ARMC9: variants seen among roughly 807,000 people sequenced by gnomAD.
ARMC9 encodes the protein lisH domain-containing protein ARMC9.
ARMC9 carries 94 observed loss-of-function variants against 107.0 expected under a neutral mutation model. The observed-to-expected ratio is 0.88, with a 90% CI of 0.74 to 1.04. ARMC9 has a LOEUF of 1.04. ARMC9 is among the 50% of genes least tolerant of loss of function. The pLI, the probability that ARMC9 is intolerant of heterozygous loss-of-function variation, is 0.00. For synonymous variants in ARMC9, 380 were observed against 396.9 expected, an observed-to-expected ratio of 0.96 and a Z score of 0.51; for missense variants, 942 against 1,030.1, an observed-to-expected ratio of 0.91 and a Z score of 1.17.
At chr2:231,267,190 T>C (rs561527635) in intron 12 of ARMC9, among the ~76,000 whole-genome samples, 1 of 152,230 alleles carries the variant, frequency 6.6e-6, no homozygotes, top group Admixed American at 6.5e-5. Context: ...TCTGGCGGAA[T>C]TGAAAGGTGG....
intron 11 of ARMC9, 72 bp from the exon 12 acceptor site, chr2:231,262,234 C>A: frequency 7.1e-7 from 1 of 1,414,164 alleles, no homozygotes; most frequent in Non-Finnish European, 1.0e-6. Flanking sequence ...CCATCTAAAA[C>A]ACACCTGCTA....
intron 8 of ARMC9, among the ~76,000 whole-genome samples, chr2:231,237,801 T>A (rs1039280956): frequency 3.2e-5 from 4 of 126,254 alleles, no homozygotes; most frequent in African/African-American, 9.0e-5. Context: ...TTTTTTTTTT[T>A]TTTTTTTTTT....
chr2:231,216,854 G>A lies in ARMC9; in HGVS notation c.504+61G>A, dbSNP rs979668320. The A allele has an allele frequency of 9.1e-5, 139 of 1,522,366 alleles. 3 individuals are homozygous for A. In the South Asian group the frequency reaches 1.6e-3, roughly 17 times the overall value. 94.3% of individuals were successfully genotyped at this position (1,522,366 alleles called of 1,614,324 possible). A position where few individuals can be genotyped will look rare whatever the true frequency, so the allele number is the denominator to read the frequency against. Reference sequence around the variant, plus strand: ...GGGTGACATTGTGGTTTTACCTTCTGTATGCTGGGGGCTTCTGAATGATGC... The same window carrying A: ...GGGTGACATTGTGGTTTTACCTTCTATATGCTGGGGGCTTCTGAATGATGC... On this transcript the variant is annotated intron_variant, in intron 5 of 24. Transcript: ENST00000611582.
At chr2:231,366,931 AC>A (rs1458999899) in intron 23 of ARMC9, among the ~76,000 whole-genome samples, 8 of 147,052 alleles carry the variant, frequency 5.4e-5, no homozygotes, top group African/African-American at 1.0e-4. Context: ...GCTCACTGCA[AC>A]CTCTGCCTCC....
intron 19 of ARMC9, among the ~76,000 whole-genome samples, chr2:231,299,585 T>G (rs1374919383): frequency 6.6e-6 from 1 of 152,076 alleles, no homozygotes; most frequent in Non-Finnish European, 1.5e-5. Flanking sequence ...AGAAAATGGC[T>G]TAAGAAGTGT....
rs2046201293 is a variant in ARMC9, at chr2:231,376,471, A to ACC, written c.*4936_*4937insCC. The stretch of plus-strand genomic sequence containing the variant: ...CTTATGGTCGAGGCTGCAGAGATGA[A>ACC]ATAAACTCCAGTCTCCCATAGCGCT... On this transcript the variant is annotated 3_prime_UTR_variant, in exon 25 of 25. Coordinates refer to ENST00000611582, the MANE Select transcript of ARMC9 (RefSeq NM_001352754.2). Among the ~76,000 whole-genome samples, 1 of 152,120 alleles carries ACC rather than the reference A, an allele frequency of 6.6e-6. No homozygotes were observed. Among genetic ancestry groups the ACC allele is most frequent in the African/African-American group, 2.4e-5 (1 of 41,396 alleles).
chr2:231,200,710 C>G (rs1486053426), intron 1 of ARMC9, among the ~76,000 whole-genome samples: 1 of 151,922 alleles, frequency 6.6e-6, no homozygotes, highest in Non-Finnish European at 1.5e-5. Flanking sequence ...TGGCGCATGC[C>G]TATAACCCCA....
intron 19 of ARMC9, among the ~76,000 whole-genome samples, chr2:231,312,282 T>C (rs1056565705): frequency 6.6e-6 from 1 of 152,196 alleles, no homozygotes; most frequent in East Asian, 1.9e-4. Flanking sequence ...GAGCTGGAAC[T>C]GGGCATCTCT....
chr2:231,323,116 G>T (rs967026792), intron 19 of ARMC9, among the ~76,000 whole-genome samples: 1 of 152,072 alleles, frequency 6.6e-6, no homozygotes, highest in Non-Finnish European at 1.5e-5. Flanking sequence ...TTGAGGCCAG[G>T]AGTTAGAGGC....
chr2:231,292,140 C>T (rs187810015), intron 18 of ARMC9, among the ~76,000 whole-genome samples: 7 of 150,956 alleles, frequency 4.6e-5, no homozygotes, highest in African/African-American at 1.7e-4. Flanking sequence ...TGCACTCCAG[C>T]CTGGGCGACA....
chr2:231,345,697 T>C (rs1312220022), intron 21 of ARMC9, among the ~76,000 whole-genome samples: 1 of 152,170 alleles, frequency 6.6e-6, no homozygotes, highest in Non-Finnish European at 1.5e-5. Flanking sequence ...ACTTCTGTGG[T>C]CTGGGTGGCC....
In ARMC9 at chr2:231,256,333, G is replaced by A. The variant is rs546440858; in HGVS notation, c.880-253G>A. ...CTTGCTTGCTCGCTGGGTCTTGGAT[G>A]TCGGGTTCGACCACTTGGCCGATGG... is the stretch of plus-strand genomic sequence containing the variant. On this transcript the variant is annotated intron_variant, in intron 9 of 24. Transcript: ENST00000611582. The A allele has an allele frequency of 5.9e-4, 900 of 1,537,400 alleles. 1 individual carries two copies. Among genetic ancestry groups the A allele is most frequent in the Non-Finnish European group, 7.5e-4 (857 of 1,136,194 alleles).
At chr2:231,352,419 C>A (rs1396083014) in intron 21 of ARMC9, among the ~76,000 whole-genome samples, 2 of 152,048 alleles carry the variant, frequency 1.3e-5, no homozygotes, top group African/African-American at 2.4e-5. Context: ...CCTGTCTCAG[C>A]CTCCCAAGTA....
chr2:231,232,886 T>C (rs544809966), intron 7 of ARMC9, among the ~76,000 whole-genome samples: 1 of 152,300 alleles, frequency 6.6e-6, no homozygotes, highest in African/African-American at 2.4e-5. Flanking sequence ...AGTCTCACTC[T>C]GTCACCCAGG....
intron 15 of ARMC9, among the ~76,000 whole-genome samples, chr2:231,277,217 G>A (rs2039837460): frequency 6.6e-6 from 1 of 152,102 alleles, no homozygotes; most frequent in Non-Finnish European, 1.5e-5. Context: ...TTCTCCTGTG[G>A]GCACAAGTCA....
Position 231,375,336 on chromosome 2 carries a change from G to A in ARMC9, c.*3801G>A, listed in dbSNP as rs186173555. Among the ~76,000 whole-genome samples, 4 of 152,254 alleles carry A rather than the reference G, an allele frequency of 2.6e-5. No individual in the cohort carries two copies. The East Asian group carries it at 5.8e-4, about 22-fold the overall frequency. On this transcript the variant is annotated 3_prime_UTR_variant, in exon 25 of 25. Transcript: ENST00000611582. The surrounding 1 kb of genome is among the most constrained non-coding windows in gnomAD (Gnocchi z 4.3). ...AAATCAAGCCCAAGTCTCATATCAC[G>A]TTCACTATTCTCCCATTGTCCAAAG...
chr2:231,276,862 T>C (rs2039807867), intron 15 of ARMC9, 87 bp downstream of exon 15: 1 of 1,530,568 alleles, frequency 6.5e-7, no homozygotes, highest in African/African-American at 1.4e-5. Flanking sequence ...TGATATGGTT[T>C]GCTTTTAGTC....
chr2:231,288,856 C>A (rs1405407301), intron 17 of ARMC9: 1 of 366,764 alleles, frequency 2.7e-6, no homozygotes, highest in Non-Finnish European at 5.6e-6. Context: ...CTGCACATGA[C>A]AAATTGTTTT....
chr2:231,337,444 G>A (rs1265000905), intron 20 of ARMC9, among the ~76,000 whole-genome samples: 4 of 141,356 alleles, frequency 2.8e-5, no homozygotes, highest in Admixed American at 1.4e-4. Context: ...TTACAGGCGC[G>A]CGCCACCACG....
Sources: allele counts gnomAD v4.1 joint callset (sites outside exome capture counted in the v4.1 genomes callset), GRCh38; gene constraint gnomAD v4.1.1; non-coding constraint Gnocchi (gnomAD v3.1); transcripts MANE v1.5; gene names NCBI Gene and HGNC (gene_info 2026-07-23, HGNC 2026-07-21).